The following MAPK8 variants were observed in gnomAD, a reference collection of about 807,000 sequenced individuals.
MAPK8 encodes the protein mitogen-activated protein kinase 8.
MAPK8 carries 13 observed loss-of-function variants against 52.9 expected under a neutral mutation model. The observed-to-expected ratio is 0.25, with a 90% CI of 0.16 to 0.39. MAPK8 has a LOEUF of 0.39. Among genes scored for constraint, MAPK8 ranks in the 10% least tolerant of loss-of-function variants. MAPK8 has a pLI of 1.00. For missense variants in MAPK8, 300 were observed against 519.2 expected (o/e 0.58, Z 4.10); for synonymous variants, 191 against 169.8 (o/e 1.12, Z -0.97).
intron 1 of MAPK8, among the ~76,000 whole-genome samples, chr10:48,322,421 A>G (rs988557277): frequency 3.9e-5 from 6 of 152,304 alleles, no homozygotes; most frequent in African/African-American, 9.6e-5. Context: ...GAATGATGCT[A>G]TCTCCTTCTA....
At chr10:48,313,458 C>A (rs936752005) in intron 1 of MAPK8, among the ~76,000 whole-genome samples, 1 of 151,922 alleles carries the variant, frequency 6.6e-6, no homozygotes, top group African/African-American at 2.4e-5. Context: ...AACAACAACA[C>A]CCAGAAATAA....
intron 9 of MAPK8, 181 bp from the exon 10 acceptor site, chr10:48,426,898 AT>A: frequency 3.8e-6 from 2 of 532,060 alleles, no homozygotes; most frequent in Non-Finnish European, 6.7e-6. Context: ...TAAACATTTT[AT>A]TTCCTGCAAT....
At chr10:48,343,384 C>G (rs957398764) in intron 1 of MAPK8, among the ~76,000 whole-genome samples, 12 of 152,194 alleles carry the variant, frequency 7.9e-5, no homozygotes, top group African/African-American at 2.9e-4. Flanking sequence ...GCTTCTCAGA[C>G]AGCTGTAATG....
Position 48,429,155 on chromosome 10 carries a change from G to T in MAPK8, c.1060+2012G>T, listed in dbSNP as rs148414801. ...TAAAAAAAAATTTTGTAGAGATGGG[G>T]TCTCACTGTGTTGTCCAGGTCATAG... On this transcript the variant is annotated intron_variant, in intron 10 of 11. Transcript: ENST00000374189. 1.4e-4 allele frequency among the ~76,000 whole-genome samples: 21 copies of T among 152,148 alleles called. No homozygotes were observed. The East Asian group carries it at 4.1e-3, about 29-fold the overall frequency.
chr10:48,366,887 A>T (rs1848102394), intron 1 of MAPK8, among the ~76,000 whole-genome samples: 1 of 152,162 alleles, frequency 6.6e-6, no homozygotes, highest in South Asian at 2.1e-4. Flanking sequence ...TTAAAAAAAA[A>T]AAATTGCTTT....
At chr10:48,378,971 A>C (rs1264823671) in intron 1 of MAPK8, among the ~76,000 whole-genome samples, 1 of 152,142 alleles carries the variant, frequency 6.6e-6, no homozygotes, top group Admixed American at 6.6e-5. Flanking sequence ...ATTTATTTGC[A>C]AAAAAAGTTT....
At chr10:48,392,619 A>G (rs1418308297) in intron 1 of MAPK8, among the ~76,000 whole-genome samples, 1 of 152,036 alleles carries the variant, frequency 6.6e-6, no homozygotes, top group Non-Finnish European at 1.5e-5. Flanking sequence ...TGGAAATAAT[A>G]TGCTATCTGA....
At chr10:48,310,690 C>T (rs906033198) in intron 1 of MAPK8, among the ~76,000 whole-genome samples, 1 of 152,060 alleles carries the variant, frequency 6.6e-6, no homozygotes, top group African/African-American at 2.4e-5. Context: ...CTTCACATCT[C>T]TGTGCAGGCC....
chr10:48,334,419 G>A (rs1844466643), intron 1 of MAPK8, among the ~76,000 whole-genome samples: 1 of 151,996 alleles, frequency 6.6e-6, no homozygotes, highest in South Asian at 2.1e-4. Context: ...CCTTATATCT[G>A]GGATACGTCT....
At chr10:48,434,182 T>G (rs2044631633) in intron 11 of MAPK8, among the ~76,000 whole-genome samples, 1 of 152,202 alleles carries the variant, frequency 6.6e-6, no homozygotes, top group Non-Finnish European at 1.5e-5. Flanking sequence ...TTGCTCTTAC[T>G]ATATTTAATA....
intron 1 of MAPK8, among the ~76,000 whole-genome samples, chr10:48,371,995 C>G (rs1848572805): frequency 6.6e-6 from 1 of 152,080 alleles, no homozygotes; most frequent in South Asian, 2.1e-4. Context: ...CATGCCTTCT[C>G]CAGCTATGCC....
chr10:48,315,818 C>T (rs1443975902), intron 1 of MAPK8, among the ~76,000 whole-genome samples: 1 of 151,542 alleles, frequency 6.6e-6, no homozygotes, highest in Non-Finnish European at 1.5e-5. Context: ...ATTTTTACCT[C>T]CTCCCTCCCC....
intron 1 of MAPK8, among the ~76,000 whole-genome samples, chr10:48,379,159 A>AG (rs1410175274): frequency 6.6e-6 from 1 of 152,200 alleles, no homozygotes; most frequent in Non-Finnish European, 1.5e-5. Context: ...CTGTGCCTGT[A>AG]ATACTTTCAC....
chr10:48,312,200 A>G (rs1198503660), intron 1 of MAPK8, among the ~76,000 whole-genome samples: 2 of 152,198 alleles, frequency 1.3e-5, no homozygotes, highest in African/African-American at 2.4e-5. Context: ...TGTGGTGCAC[A>G]TTAGTCAAAA....
intron 1 of MAPK8, among the ~76,000 whole-genome samples, chr10:48,373,200 A>G (rs886100496): frequency 8.5e-5 from 13 of 152,162 alleles, no homozygotes; most frequent in African/African-American, 3.1e-4. Context: ...AGATTTTGTC[A>G]CCACCAGGCC....
rs1296187787 is a variant in MAPK8, at chr10:48,436,432, T to C, written c.*1403T>C. The C allele has an allele frequency of 6.6e-6, 1 of 152,252 alleles. No individual in the cohort carries two copies. The highest frequency in any genetic ancestry group is 1.5e-5 in the Non-Finnish European group (1 of 68,044). 9.4% of individuals were successfully genotyped at this position (152,252 alleles called of 1,614,324 possible). A position where few individuals can be genotyped will look rare whatever the true frequency, so the allele number is the denominator to read the frequency against. On this transcript the variant is annotated 3_prime_UTR_variant, in exon 12 of 12. Transcript: ENST00000374189. The stretch of plus-strand genomic sequence containing the variant: ...GTAAAATGTCTTTGAAGTCTCGTTA[T>C]TTCTGAAATACGTTGTCTGTAATAG...
chr10:48,410,083 A>T lies in MAPK8; in HGVS notation c.365A>T (p.Glu122Val), dbSNP rs1418848027. 1 of 1,601,366 alleles carries T rather than the reference A, an allele frequency of 6.2e-7. No individual in the cohort carries two copies. Among genetic ancestry groups the T allele is most frequent in the Non-Finnish European group, 8.5e-7 (1 of 1,174,668 alleles). The change falls in exon 5 of 12, where the codon GAG becomes GTG. Residue 122 changes from glutamate to valine, a missense_variant. Transcript: ENST00000374189. ...DANLCQVIQM[E>V]LDHERMSYLL... is the part of the protein sequence containing the mutation. ...AATCTTTGCCAAGTGATTCAGATGG[A>T]GCTAGATCATGAAAGAATGTCCTAC...
At chr10:48,356,102 A>G (rs905997157) in intron 1 of MAPK8, among the ~76,000 whole-genome samples, 8 of 152,246 alleles carry the variant, frequency 5.3e-5, no homozygotes, top group African/African-American at 1.9e-4. Context: ...GAGGCCAGAG[A>G]TACAAGAAAG....
chr10:48,340,709 C>T (rs1001450433), intron 1 of MAPK8, among the ~76,000 whole-genome samples: 25 of 152,198 alleles, frequency 1.6e-4, no homozygotes, highest in African/African-American at 5.8e-4. Flanking sequence ...CTGGCATTTG[C>T]CCTTTGCCTA....
Sources: allele counts gnomAD v4.1 joint callset (sites outside exome capture counted in the v4.1 genomes callset), GRCh38; gene constraint gnomAD v4.1.1; transcripts MANE v1.5; gene names NCBI Gene and HGNC (gene_info 2026-07-23, HGNC 2026-07-21).